Variants in MACROD2 observed in about 807,000 individuals in gnomAD.
MACROD2 encodes ADP-ribose glycohydrolase MACROD2.
Under a neutral mutation model 70.4 loss-of-function variants are expected in MACROD2, and 36 were observed. The observed-to-expected ratio is 0.51, with a 90% CI of 0.39 to 0.68. The LOEUF (loss-of-function observed/expected upper bound fraction) is 0.68, where lower values mean the gene tolerates loss of function less well. MACROD2 is among the 30% of genes least tolerant of loss of function. The pLI is 0.00. For missense variants in MACROD2, 496 were observed against 538.4 expected (o/e 0.92, Z 0.78); for synonymous variants, 172 against 178.8 (o/e 0.96, Z 0.30).
intron 6 of MACROD2, among the ~76,000 whole-genome samples, chr20:15,407,384 C>T (rs899949584): frequency 2.6e-5 from 4 of 152,206 alleles, no homozygotes; most frequent in Non-Finnish European, 5.9e-5. Context: ...CAGTGGTAAC[C>T]TGTTCACTAG....
intron 3 of MACROD2, among the ~76,000 whole-genome samples, chr20:14,207,254 C>A (rs555625011): frequency 6.6e-6 from 1 of 152,002 alleles, no homozygotes; most frequent in Non-Finnish European, 1.5e-5. Flanking sequence ...CATGCCCCTA[C>A]GCCCAGCTAA....
intron 5 of MACROD2, among the ~76,000 whole-genome samples, chr20:14,976,898 C>G (rs1020727514): frequency 8.5e-5 from 13 of 152,062 alleles, no homozygotes; most frequent in African/African-American, 3.1e-4. Flanking sequence ...AGTATTCAGT[C>G]AGTACAGTCA....
intron 6 of MACROD2, among the ~76,000 whole-genome samples, chr20:15,324,205 G>C (rs1024074775): frequency 4.6e-5 from 7 of 151,868 alleles, no homozygotes; most frequent in Non-Finnish European, 1.0e-4. Flanking sequence ...ATTTAAAAAG[G>C]GTTCAATTTT....
chr20:14,186,330 G>T (rs1282929275), intron 3 of MACROD2, among the ~76,000 whole-genome samples: 2 of 151,976 alleles, frequency 1.3e-5, no homozygotes, highest in African/African-American at 4.8e-5. Flanking sequence ...AGACATACAT[G>T]TGGCCAAAAA....
At chr20:14,572,102 G>A (rs1041476909) in intron 4 of MACROD2, among the ~76,000 whole-genome samples, 11 of 152,154 alleles carry the variant, frequency 7.2e-5, no homozygotes, top group African/African-American at 9.6e-5. Flanking sequence ...CTGCTGGTAC[G>A]TGCAAGCACC....
At chr20:14,348,251 A>G (rs559463448) in intron 3 of MACROD2, among the ~76,000 whole-genome samples, 184 of 148,904 alleles carry the variant, frequency 1.2e-3, no homozygotes, top group African/African-American at 4.4e-3. Context: ...CCTAGGCGTC[A>G]GAGCAAGACT....
intron 3 of MACROD2, among the ~76,000 whole-genome samples, chr20:14,439,221 G>C (rs769155571): frequency 5.3e-5 from 8 of 151,840 alleles, no homozygotes; most frequent in Non-Finnish European, 1.2e-4. Context: ...TGTAAGTTCG[G>C]GTTTACTTTT....
At chr20:15,953,770 A>C (rs2065939414) in intron 12 of MACROD2, among the ~76,000 whole-genome samples, 1 of 152,128 alleles carries the variant, frequency 6.6e-6, no homozygotes, top group African/African-American at 2.4e-5. Context: ...CTCACTCTAT[A>C]ATTTTTATTA....
rs545549342 is a variant in MACROD2 at position 15,968,857 on chromosome 20, A to G, written c.985+1227A>G. Among the ~76,000 whole-genome samples the G allele has an allele frequency of 2.5e-3, 366 of 146,290 alleles. 3 individuals are homozygous for G. Among genetic ancestry groups the G allele is most frequent in the Admixed American group, 5.0e-3 (73 of 14,570 alleles). On this transcript the variant is annotated intron_variant, in intron 13 of 17. Coordinates refer to ENST00000684519, the MANE Select transcript of MACROD2 (RefSeq NM_001351661.2). ...TATATATACACACATATACATATGG[A>G]GAGAGAGAGAGAGACTGTTTAAAGG...
intron 4 of MACROD2, among the ~76,000 whole-genome samples, chr20:14,613,189 C>A (rs1024129129): frequency 3.3e-5 from 5 of 152,060 alleles, no homozygotes; most frequent in Non-Finnish European, 7.4e-5. Context: ...GCACTTCTGA[C>A]AACATGAGTT....
chr20:15,882,262 A>C (rs1361146781), intron 9 of MACROD2, among the ~76,000 whole-genome samples: 1 of 152,238 alleles, frequency 6.6e-6, no homozygotes, highest in Middle Eastern at 3.4e-3. Flanking sequence ...ACAGAAGCTT[A>C]TCTCTTCTTC....
At chr20:15,078,585 C>T (rs1352063106) in intron 5 of MACROD2, among the ~76,000 whole-genome samples, 2 of 152,180 alleles carry the variant, frequency 1.3e-5, no homozygotes, top group African/African-American at 4.8e-5. Flanking sequence ...ATAAAAATGT[C>T]AGTGCCTTCC....
In MACROD2 at chr20:15,196,935, C is replaced by T. The variant is rs1442601057; in HGVS notation, c.419-33005C>T. On this transcript the variant is annotated intron_variant, in intron 5 of 17. Transcript: ENST00000684519. The stretch of plus-strand genomic sequence containing the variant: ...CATTTTGGAAAGACTACATAAAAAA[C>T]CTTTAAAAATTGGAGCCCTTTGGGC... 3.0e-6 allele frequency: 3 copies of T among 985,184 alleles called. No individual in the cohort carries two copies. In the African/African-American group the frequency reaches 5.2e-5, roughly 17 times the overall value. The allele number at this position is 985,184 out of a possible 1,614,324, so 61.0% of individuals were successfully genotyped here.
chr20:14,060,982 C>T (rs1358488409), intron 2 of MACROD2, among the ~76,000 whole-genome samples: 1 of 151,966 alleles, frequency 6.6e-6, no homozygotes, highest in Non-Finnish European at 1.5e-5. Flanking sequence ...ATTTGTAATC[C>T]TTATACACTA....
intron 3 of MACROD2, among the ~76,000 whole-genome samples, chr20:14,284,041 G>T (rs989438210): frequency 1.3e-5 from 2 of 152,130 alleles, no homozygotes; most frequent in Non-Finnish European, 2.9e-5. Flanking sequence ...GCCCTTAGAA[G>T]TTGCTTCTAG....
intron 8 of MACROD2, among the ~76,000 whole-genome samples, chr20:15,630,345 T>G (rs1271362679): frequency 6.6e-6 from 1 of 152,244 alleles, no homozygotes; most frequent in Admixed American, 6.5e-5. Context: ...CCTTGGGCTT[T>G]CTGCAAAAAT....
At chr20:15,400,482 G>C (rs748653079) in intron 6 of MACROD2, among the ~76,000 whole-genome samples, 1 of 152,180 alleles carries the variant, frequency 6.6e-6, no homozygotes, top group Non-Finnish European at 1.5e-5. Flanking sequence ...TATTGTGAAG[G>C]CTGCCTAGCT....
At chr20:14,192,956 G>T (rs549149010) in intron 3 of MACROD2, among the ~76,000 whole-genome samples, 1 of 152,350 alleles carries the variant, frequency 6.6e-6, no homozygotes, top group Non-Finnish European at 1.5e-5. Flanking sequence ...ACTTGATCCA[G>T]CTGCACAAAT....
chr20:15,886,743 A>G (rs1183718406), intron 10 of MACROD2, among the ~76,000 whole-genome samples: 2 of 152,088 alleles, frequency 1.3e-5, no homozygotes, highest in Non-Finnish European at 2.9e-5. Flanking sequence ...TTGTAGCTCT[A>G]TCAATTATTG....
Sources: allele counts gnomAD v4.1 joint callset (sites outside exome capture counted in the v4.1 genomes callset), GRCh38; gene constraint gnomAD v4.1.1; transcripts MANE v1.5; gene names NCBI Gene and HGNC (gene_info 2026-07-23, HGNC 2026-07-21).